Variants in DENND5B observed in about 807,000 individuals in gnomAD.
DENND5B encodes the protein DENN domain-containing protein 5B.
DENND5B carries 34 observed loss-of-function variants against 140.6 expected under a neutral mutation model. The observed-to-expected ratio is 0.24, with a 90% CI of 0.18 to 0.32. The LOEUF (loss-of-function observed/expected upper bound fraction) is 0.32. Ranked by LOEUF, DENND5B falls within the 10% of genes least tolerant of loss-of-function variation. The pLI is 1.00. For synonymous variants in DENND5B, 551 were observed against 562.1 expected (o/e 0.98, Z 0.28); for missense variants, 1,142 against 1,560.2 (o/e 0.73, Z 4.52).
chr12:31,438,998 CTTAATT>C (rs1565579131), intron 7 of DENND5B, among the ~76,000 whole-genome samples: 2 of 152,284 alleles, frequency 1.3e-5, no homozygotes, highest in South Asian at 4.1e-4. Flanking sequence ...AAATGGCCTA[CTTAATT>C]TTATTTTCAA....
chr12:31,468,708 G>A (rs1466890562), intron 3 of DENND5B, among the ~76,000 whole-genome samples: 2 of 152,124 alleles, frequency 1.3e-5, no homozygotes, highest in Non-Finnish European at 2.9e-5. Context: ...CTACGTGGGA[G>A]GCTAAGGCAG....
At chr12:31,516,970 T>C (rs1221883317) in intron 1 of DENND5B, among the ~76,000 whole-genome samples, 4 of 151,950 alleles carry the variant, frequency 2.6e-5, no homozygotes, top group African/African-American at 4.8e-5. Flanking sequence ...TTAGAGCATA[T>C]AGAGAAGTAA....
At chr12:31,463,460 T>C (rs924763475) in intron 3 of DENND5B, among the ~76,000 whole-genome samples, 5 of 152,162 alleles carry the variant, frequency 3.3e-5, no homozygotes, top group Admixed American at 1.3e-4. Flanking sequence ...TACCACAGTA[T>C]CTGACATATA....
At chr12:31,469,766 TC>T (rs1945457254) in intron 3 of DENND5B, among the ~76,000 whole-genome samples, 1 of 152,100 alleles carries the variant, frequency 6.6e-6, no homozygotes, top group Non-Finnish European at 1.5e-5. Flanking sequence ...GAGTAGTTTT[TC>T]ACTCTTACTT....
intron 3 of DENND5B, among the ~76,000 whole-genome samples, chr12:31,466,000 G>C (rs189480118): frequency 9.2e-5 from 14 of 152,308 alleles, no homozygotes; most frequent in African/African-American, 3.4e-4. Flanking sequence ...CAGGTAAAGA[G>C]AGAATTCATA....
chr12:31,490,438 C>A (rs1946482332), intron 2 of DENND5B, among the ~76,000 whole-genome samples: 1 of 151,842 alleles, frequency 6.6e-6, no homozygotes, highest in Admixed American at 6.6e-5. Context: ...ATAGCCAAAC[C>A]CCGTCTCCTC....
intron 1 of DENND5B, among the ~76,000 whole-genome samples, chr12:31,497,888 GA>G (rs1453855749): frequency 1.5e-4 from 6 of 41,148 alleles, no homozygotes; most frequent in Non-Finnish European, 1.9e-4. Flanking sequence ...AGGGGGCAGG[GA>G]GGGGCAAGGG....
intron 1 of DENND5B, among the ~76,000 whole-genome samples, chr12:31,585,630 T>C (rs1950370640): frequency 6.6e-6 from 1 of 152,172 alleles, no homozygotes; most frequent in Non-Finnish European, 1.5e-5. Flanking sequence ...AGAGGGCCCT[T>C]AATCTCTGAG....
chr12:31,447,460 T>A, intron 6 of DENND5B, 78 bp downstream of exon 6: 1 of 1,256,540 alleles, frequency 8.0e-7, no homozygotes, highest in Non-Finnish European at 1.1e-6. Context: ...ATTAATTTTG[T>A]TGTACGTAAG....
chr12:31,437,310 AT>A (rs1943820900), intron 7 of DENND5B, among the ~76,000 whole-genome samples: 1 of 151,832 alleles, frequency 6.6e-6, no homozygotes, highest in South Asian at 2.1e-4. Context: ...AATTTTTTGT[AT>A]TTTTAGTAGA....
Position 31,383,643 on chromosome 12 carries a change from G to A in DENND5B, c.*3960C>T, listed in dbSNP as rs1000754060. 1.3e-5 allele frequency: 2 copies of A among 152,140 alleles called. No individual in the cohort carries two copies. The highest frequency in any genetic ancestry group is 2.4e-5 in the African/African-American group (1 of 41,432). The allele number at this position is 152,140 out of a possible 1,614,324, so 9.4% of individuals were successfully genotyped here. On this transcript the variant is annotated 3_prime_UTR_variant, in exon 21 of 21. Coordinates refer to ENST00000389082, the MANE Select transcript of DENND5B (RefSeq NM_144973.4). ...AGTGGAAAACAAGGTGGGGAGGGTT[G>A]GGAGGTTTTTGTCCTCAGTAGCCTG...
chr12:31,577,545 C>T (rs1032297548), intron 1 of DENND5B, among the ~76,000 whole-genome samples: 22 of 151,414 alleles, frequency 1.5e-4, no homozygotes, highest in Non-Finnish European at 2.1e-4. Flanking sequence ...CCCGTCTCTA[C>T]TAAAAAATAC....
At chr12:31,471,461 AT>A (rs747862984) in intron 3 of DENND5B, among the ~76,000 whole-genome samples, 2,085 of 111,798 alleles carry the variant, frequency 0.019, 22 homozygotes, top group African/African-American at 0.033. Context: ...CCATGCCTGT[AT>A]TTTTTTTTTT....
At chr12:31,527,051 A>G (rs1231924189) in intron 1 of DENND5B, among the ~76,000 whole-genome samples, 1 of 152,236 alleles carries the variant, frequency 6.6e-6, no homozygotes, top group Non-Finnish European at 1.5e-5. Flanking sequence ...TAGGGAAAAC[A>G]GGCAATAAAC....
At chr12:31,456,218 T>C (rs753842800) in intron 4 of DENND5B, among the ~76,000 whole-genome samples, 7 of 151,336 alleles carry the variant, frequency 4.6e-5, no homozygotes, top group Non-Finnish European at 1.0e-4. Flanking sequence ...TAATCCCAGC[T>C]ATTTGGGAAG....
intron 1 of DENND5B, among the ~76,000 whole-genome samples, chr12:31,511,045 A>C (rs999321085): frequency 4.6e-5 from 7 of 152,168 alleles, no homozygotes; most frequent in Non-Finnish European, 1.0e-4. Flanking sequence ...CAGCCTGGCC[A>C]ACACAGTGAG....
At chr12:31,496,347 A>T (rs1053564286) in intron 1 of DENND5B, among the ~76,000 whole-genome samples, 1 of 152,178 alleles carries the variant, frequency 6.6e-6, no homozygotes, top group African/African-American at 2.4e-5. Context: ...AAAGGAAGCA[A>T]TTTTGCTTGA....
At chr12:31,460,524 G>T in intron 3 of DENND5B, 143 bp from the exon 4 acceptor site, 1 of 722,552 alleles carries the variant, frequency 1.4e-6, no homozygotes, top group Non-Finnish European at 2.2e-6. Context: ...AAATAGGTCA[G>T]TTCTATTCCA....
intron 7 of DENND5B, among the ~76,000 whole-genome samples, chr12:31,436,050 C>G (rs1943739143): frequency 6.6e-6 from 1 of 152,056 alleles, no homozygotes; most frequent in African/African-American, 2.4e-5. Context: ...CTGCCTGTCT[C>G]AGCCTCCCAA....
Sources: allele counts gnomAD v4.1 joint callset (sites outside exome capture counted in the v4.1 genomes callset), GRCh38; gene constraint gnomAD v4.1.1; transcripts MANE v1.5; gene names NCBI Gene and HGNC (gene_info 2026-07-23, HGNC 2026-07-21).